PRAG1: variants seen among roughly 807,000 people sequenced by gnomAD.
The protein encoded by PRAG1 is PEAK1 related, kinase-activating pseudokinase 1, also known as inactive tyrosine-protein kinase PRAG1.
A neutral mutation model predicts 95.6 loss-of-function variants in PRAG1; 110 were observed. That is an observed-to-expected ratio of 1.15 (90% CI 0.99 to 1.35). The LOEUF is 1.35. Among genes scored for constraint, PRAG1 ranks in the 40% most tolerant of loss-of-function variants. PRAG1 has a pLI of 0.00. For missense variants in PRAG1, 2,554 were observed against 1,864.7 expected (o/e 1.37, Z -6.81); for synonymous variants, 1,052 against 819.4 (o/e 1.28, Z -4.85).
intron 4 of PRAG1, among the ~76,000 whole-genome samples, chr8:8,336,430 G>GT (rs1282583437): frequency 1.3e-5 from 2 of 152,164 alleles, no homozygotes; most frequent in Non-Finnish European, 2.9e-5. Flanking sequence ...CATGCAGTCT[G>GT]TACCTCCTAA....
At chr8:8,333,394 T>C (rs902471837) in intron 4 of PRAG1, among the ~76,000 whole-genome samples, 2 of 152,182 alleles carry the variant, frequency 1.3e-5, no homozygotes, top group Middle Eastern at 3.2e-3. Flanking sequence ...GCATTTCTAG[T>C]GAGAAGCTAC....
intron 1 of PRAG1, among the ~76,000 whole-genome samples, chr8:8,385,579 A>G (rs1800819734): frequency 2.0e-5 from 3 of 152,238 alleles, no homozygotes; most frequent in South Asian, 2.1e-4. Flanking sequence ...CACTGAATGC[A>G]TCGCCAAAAC....
chr8:8,379,576 T>G (rs3932318), intron 2 of PRAG1, among the ~76,000 whole-genome samples: 38,702 of 152,148 alleles, frequency 0.25, 6,134 homozygotes, highest in East Asian at 0.57. Context: ...CTCTCCTCAA[T>G]GAAGACTCCC....
chr8:8,364,102 T>A (rs758924618), intron 3 of PRAG1, among the ~76,000 whole-genome samples: 17 of 152,216 alleles, frequency 1.1e-4, no homozygotes, highest in Non-Finnish European at 2.1e-4. Context: ...TACTCAGGAA[T>A]GAAGGTTGTG....
chr8:8,356,019 C>T (rs1799669247), intron 3 of PRAG1, among the ~76,000 whole-genome samples: 1 of 152,034 alleles, frequency 6.6e-6, no homozygotes, highest in Admixed American at 6.5e-5. Context: ...GTTTGCAAAC[C>T]ACGTGTCTGA....
chr8:8,338,786 A>G (rs368712557), intron 4 of PRAG1, among the ~76,000 whole-genome samples: 85 of 152,360 alleles, frequency 5.6e-4, no homozygotes, highest in African/African-American at 2.0e-3. Flanking sequence ...TCATGTGAGT[A>G]CAAGTCTAAA....
intron 4 of PRAG1, among the ~76,000 whole-genome samples, chr8:8,330,672 C>A (rs1263357339): frequency 6.6e-6 from 1 of 152,174 alleles, no homozygotes; most frequent in Non-Finnish European, 1.5e-5. Context: ...AATAGCGAGC[C>A]AGAAGAGGGA....
chr8:8,325,899 G>C (rs538008082), intron 5 of PRAG1, among the ~76,000 whole-genome samples: 1 of 151,432 alleles, frequency 6.6e-6, no homozygotes, highest in African/African-American at 2.4e-5. Context: ...GCAACAGAGC[G>C]AGACTCTGTC....
Position 8,318,478 on chromosome 8 carries a change from G to T in PRAG1, c.3897C>A (p.Gly1299=), listed in dbSNP as rs951732415. 25 of 1,612,156 alleles carry T rather than the reference G, an allele frequency of 1.6e-5. No individual in the cohort carries two copies. The highest frequency in any genetic ancestry group is 1.9e-5 in the Non-Finnish European group (22 of 1,179,792). Residue 1299 remains glycine, a synonymous_variant, in exon 6 of 6, where the codon GGC becomes GGA. Coordinates refer to ENST00000615670, the MANE Select transcript of PRAG1 (RefSeq NM_001080826.3). This position sits in a 1 kb window ranked among gnomAD's most constrained non-coding sequence, Gnocchi z 4.2. ...GTAGCAGATGTGCCAGCTGCTGCAG[G>T]CCGGGTGAGTAGAGGGACAGCGCGG... The part of the protein sequence containing the change: ...PLPALSLYSP[G]LQQLAHLLLE...
chr8:8,383,425 A>T (rs571100685), intron 1 of PRAG1, among the ~76,000 whole-genome samples: 26 of 152,140 alleles, frequency 1.7e-4, no homozygotes, highest in South Asian at 8.3e-4. Context: ...ATAATTATTT[A>T]AAAAAACTAT....
At chr8:8,373,109 A>C (rs2979133) in intron 3 of PRAG1, among the ~76,000 whole-genome samples, 29,710 of 152,124 alleles carry the variant, frequency 0.2, 3,456 homozygotes, top group Middle Eastern at 0.33. Flanking sequence ...GAAAACTGAC[A>C]TCAGCCTGCC....
At chr8:8,382,996 A>G (rs562611799) in intron 1 of PRAG1, among the ~76,000 whole-genome samples, 5 of 152,294 alleles carry the variant, frequency 3.3e-5, no homozygotes, top group Non-Finnish European at 7.3e-5. Flanking sequence ...AATGTTCAAG[A>G]GCAAAATCTT....
At position 8,328,169 on chromosome 8, in the gene PRAG1, G is replaced by A; in HGVS notation, c.2613C>T (p.Arg871=). The change falls in exon 5 of 6, where the codon CGC becomes CGT. Residue 871 remains arginine (R), a synonymous_variant. Transcript: ENST00000615670. ...HFSYSLSPGN[R]HHPVFSSSDP... is the part of the protein sequence containing the mutation. ...CGGAAGAGGAGAAGACAGGATGGTG[G>A]CGGTTCCCGGGGCTCAACGAATAGC... is the stretch of plus-strand genomic sequence containing the variant. 6.2e-7 allele frequency: 1 copy of A among 1,614,212 alleles called. No individual in the cohort carries two copies. The highest frequency in any genetic ancestry group is 1.3e-5 in the African/African-American group (1 of 75,050).
In PRAG1 at chr8:8,376,955, T is replaced by C. The variant is rs371704677; in HGVS notation, c.1454A>G (p.His485Arg). Residue 485 changes from histidine to arginine, a missense_variant, in exon 3 of 6, where the codon CAT becomes CGT. By Grantham distance (29) the His-to-Arg change is conservative. Coordinates refer to ENST00000615670, the MANE Select transcript of PRAG1 (RefSeq NM_001080826.3). ...AGGGCTGCTCAGGTAGATCGTCCGA[T>C]GGTCCTCTTCCGGGTGGGCCGCCAT... is the stretch of plus-strand genomic sequence containing the variant. ...TVMAAHPEED[H>R]RTIYLSSPDS... 6 of 1,613,430 alleles carry C rather than the reference T, an allele frequency of 3.7e-6. No individual in the cohort carries two copies. The Admixed American group carries it at 5.0e-5, about 13-fold the overall frequency.
intron 4 of PRAG1, among the ~76,000 whole-genome samples, chr8:8,339,194 G>A (rs761663859): frequency 6.6e-6 from 1 of 152,126 alleles, no homozygotes; most frequent in Non-Finnish European, 1.5e-5. Flanking sequence ...GTACACAGAT[G>A]GCTCATTACC....
At chr8:8,340,605 G>A (rs1249645349) in intron 3 of PRAG1, among the ~76,000 whole-genome samples, 1 of 152,206 alleles carries the variant, frequency 6.6e-6, no homozygotes, top group East Asian at 1.9e-4. Flanking sequence ...TACTGATTTG[G>A]CATCAGAACT....
intron 3 of PRAG1, among the ~76,000 whole-genome samples, chr8:8,351,687 T>C (rs1230296193): frequency 2.0e-5 from 3 of 152,162 alleles, no homozygotes; most frequent in African/African-American, 7.2e-5. Flanking sequence ...GACATATTCC[T>C]CAGCTAATCA....
chr8:8,368,491 C>G (rs1251978026), intron 3 of PRAG1, among the ~76,000 whole-genome samples: 1 of 152,220 alleles, frequency 6.6e-6, no homozygotes, highest in Non-Finnish European at 1.5e-5. Context: ...AAATTTATTA[C>G]TGCAGAAAGA....
At position 8,318,817 on chromosome 8, in the gene PRAG1, C is replaced by A. The variant is rs1179369353; in HGVS notation, c.3558G>T (p.Pro1186=). The change falls in exon 6 of 6, where the codon CCG becomes CCT. Residue 1186 remains proline, a synonymous_variant. Transcript: ENST00000615670. The surrounding 1 kb of genome is among the most constrained non-coding windows in gnomAD (Gnocchi z 4.2). ...CGGGGCTGAGAGTGCCACCAGCAGG[C>A]GGGGCGGCAGAGGAGCAGGGAGGCG... ...AAAPPCSSAA[P]PAGGTLSPAA... The A allele has an allele frequency of 2.2e-6, 3 of 1,364,052 alleles. No individual in the cohort carries two copies. The highest frequency in any genetic ancestry group is 3.0e-5 in the Admixed American group (1 of 33,692). 84.5% of individuals were successfully genotyped at this position (1,364,052 alleles called of 1,614,324 possible). A position where few individuals can be genotyped will look rare whatever the true frequency, so the allele number is the denominator to read the frequency against.
Sources: gnomAD v4.1 joint callset for allele counts (sites outside exome capture counted in the v4.1 genomes callset) on GRCh38, gnomAD v4.1.1 for gene constraint, Gnocchi (gnomAD v3.1) non-coding constraint, MANE v1.5 for transcripts, NCBI Gene and HGNC (gene_info 2026-07-23, HGNC 2026-07-21) for gene names.